ZNF676: variants seen among roughly 807,000 people sequenced by gnomAD.
The protein encoded by ZNF676 is zinc finger protein 676.
In ZNF676, 4 loss-of-function variants were observed where a neutral mutation model predicts 6.0. That is an observed-to-expected ratio of 0.67 (90% CI 0.33 to 1.53). ZNF676 has a LOEUF of 1.53. Ranked by LOEUF, ZNF676 falls within the 40% of genes most tolerant of loss-of-function variation. The probability of loss-of-function intolerance (pLI) is 0.06; values close to 1 mark genes in which losing one functional copy is unlikely to be tolerated. For missense variants in ZNF676, 644 were observed against 679.7 expected (o/e 0.95, Z 0.58); for synonymous variants, 198 against 223.1 (o/e 0.89, Z 1.00).
At chr19:22,253,992 A>G in the ZNF676 span, among the ~76,000 whole-genome samples, 1 of 152,108 alleles carries the variant, frequency 6.6e-6, no homozygotes, top group African/African-American at 2.4e-5. Context: ...TATCTCTTCT[A>G]TTGGCTGGTT....
At chr19:22,223,094 C>T in the ZNF676 span, among the ~76,000 whole-genome samples, 51 of 152,022 alleles carry the variant, frequency 3.4e-4, no homozygotes, top group African/African-American at 1.0e-3. Context: ...AGAAGCTCTC[C>T]CAGGCTGTGG....
chr19:22,214,933 C>A (rs1318292994), intron 1 of ZNF676, among the ~76,000 whole-genome samples: 2 of 144,794 alleles, frequency 1.4e-5, no homozygotes, highest in Non-Finnish European at 3.0e-5. Context: ...CGCAGCTACT[C>A]GGGAGGCTGA....
At chr19:22,226,458 T>A in the ZNF676 span, among the ~76,000 whole-genome samples, 55,859 of 152,018 alleles carry the variant, frequency 0.37, 10,526 homozygotes, top group African/African-American at 0.42. Flanking sequence ...AGAAATTACG[T>A]CAAATTTGTT....
the ZNF676 span, among the ~76,000 whole-genome samples, chr19:22,249,012 G>A: frequency 6.6e-6 from 1 of 152,186 alleles, no homozygotes; most frequent in Non-Finnish European, 1.5e-5. Context: ...TTACAGGCGT[G>A]AGCCACCACA....
chr19:22,236,392 T>A, the ZNF676 span, among the ~76,000 whole-genome samples: 1 of 152,192 alleles, frequency 6.6e-6, no homozygotes, highest in Non-Finnish European at 1.5e-5. Context: ...CATAAGCCTC[T>A]ACTTTAACTG....
the ZNF676 span, among the ~76,000 whole-genome samples, chr19:22,242,107 A>T: frequency 2.0e-5 from 3 of 151,956 alleles, no homozygotes; most frequent in Non-Finnish European, 4.4e-5. Context: ...AAGCTTAGCT[A>T]CAAGAGACAG....
At chr19:22,239,136 A>G in the ZNF676 span, among the ~76,000 whole-genome samples, 1 of 152,132 alleles carries the variant, frequency 6.6e-6, no homozygotes, top group Non-Finnish European at 1.5e-5. Context: ...TGAATCCAGA[A>G]ATGAGTCAGC....
Position 22,195,035 on chromosome 19 carries a change from A to C in ZNF676, c.34+1565T>G, listed in dbSNP as rs565565133. 3.3e-5 allele frequency among the ~76,000 whole-genome samples: 5 copies of C among 152,324 alleles called. No individual in the cohort carries two copies. The East Asian group carries it at 9.6e-4, about 29-fold the overall frequency. ...TGTAATCCCAGGAGTAGTTGACTCCAATTATAAAGGAGAAATCCAAGTAGT... is the reference window on the plus strand; with the variant it reads ...TGTAATCCCAGGAGTAGTTGACTCCCATTATAAAGGAGAAATCCAAGTAGT... On this transcript the variant is annotated intron_variant, in intron 1 of 2. Coordinates refer to ENST00000397121, the MANE Select transcript of ZNF676 (RefSeq NM_001001411.3).
At chr19:22,182,585 T>TTAAAAAAAAAAAAAAA (rs376894161) in intron 2 of ZNF676, among the ~76,000 whole-genome samples, 2 of 45,046 alleles carry the variant, frequency 4.4e-5, no homozygotes, top group African/African-American at 2.1e-4. Flanking sequence ...GTCAAAGTTC[T>TTAAAAAAAAAAAAAAA]AAAAAAAAAA....
At chr19:22,257,522 G>T in the ZNF676 span, among the ~76,000 whole-genome samples, 1 of 152,168 alleles carries the variant, frequency 6.6e-6, no homozygotes, top group Admixed American at 6.5e-5. Context: ...CATCACCTAG[G>T]TGACTAACGA....
chr19:22,185,040 A>G (rs1004984408), intron 2 of ZNF676, among the ~76,000 whole-genome samples: 2 of 152,088 alleles, frequency 1.3e-5, no homozygotes, highest in African/African-American at 4.8e-5. Flanking sequence ...TGCCACCTCA[A>G]GTTGGTCCCT....
At chr19:22,253,386 ATATATATATGATAATGTG>A in the ZNF676 span, among the ~76,000 whole-genome samples, 288 of 69,054 alleles carry the variant, frequency 4.2e-3, no homozygotes, top group Middle Eastern at 7.7e-3. Flanking sequence ...ATATATATAT[ATATATATATGATAATGTG>A]TATATATATA....
At chr19:22,215,702 A>C (rs2144839762) in exon 1 of ZNF676, 4 of 1,580,250 alleles carry the variant, frequency 2.5e-6, no homozygotes, top group Non-Finnish European at 3.5e-6. Context: ...TCATAGGGCC[A>C]CAGAGGCTGG....
chr19:22,247,124 G>A, the ZNF676 span, among the ~76,000 whole-genome samples: 1 of 152,042 alleles, frequency 6.6e-6, no homozygotes, highest in East Asian at 1.9e-4. Context: ...TAACTAGTGG[G>A]GTATATTCTA....
chr19:22,194,802 C>T (rs10411854), intron 1 of ZNF676, among the ~76,000 whole-genome samples: 64,346 of 151,872 alleles, frequency 0.42, 14,453 homozygotes, highest in African/African-American at 0.58. Flanking sequence ...CACAACCCCA[C>T]TTCAAGGGTT....
At chr19:22,230,576 A>G in the ZNF676 span, among the ~76,000 whole-genome samples, 1 of 151,444 alleles carries the variant, frequency 6.6e-6, no homozygotes, top group Non-Finnish European at 1.5e-5. Flanking sequence ...ACACATAATC[A>G]TATCTATATA....
upstream of ZNF676, among the ~76,000 whole-genome samples, chr19:22,201,221 G>A (rs898321448): frequency 3.3e-5 from 5 of 152,204 alleles, no homozygotes; most frequent in Admixed American, 2.6e-4. Context: ...ATACTTTGTG[G>A]CCTTAAGATG....
At chr19:22,215,088 T>A (rs1444301008) in intron 1 of ZNF676, among the ~76,000 whole-genome samples, 1 of 149,862 alleles carries the variant, frequency 6.7e-6, no homozygotes, top group Non-Finnish European at 1.5e-5. Flanking sequence ...ACTACATAAC[T>A]GTACCTAACC....
At chr19:22,253,064 C>T in the ZNF676 span, among the ~76,000 whole-genome samples, 1 of 152,120 alleles carries the variant, frequency 6.6e-6, no homozygotes, top group Admixed American at 6.5e-5. Flanking sequence ...TCAATCCCTC[C>T]TACAGACTGT....
Sources: gnomAD v4.1 joint callset for allele counts (sites outside exome capture counted in the v4.1 genomes callset) on GRCh38, gnomAD v4.1.1 for gene constraint, MANE v1.5 for transcripts, NCBI Gene and HGNC (gene_info 2026-07-23, HGNC 2026-07-21) for gene names.